PLCB1: variants seen among roughly 807,000 people sequenced by gnomAD.
The protein encoded by PLCB1 is phospholipase C beta 1, also known as 1-phosphatidylinositol 4,5-bisphosphate phosphodiesterase beta-1.
PLCB1 carries 46 observed loss-of-function variants against 161.8 expected under a neutral mutation model. The observed-to-expected ratio is 0.28, with a 90% CI of 0.22 to 0.36. The LOEUF (loss-of-function observed/expected upper bound fraction) is 0.36. Ranked by LOEUF, PLCB1 falls within the 10% of genes least tolerant of loss-of-function variation. The pLI, the probability that PLCB1 is intolerant of heterozygous loss-of-function variation, is 1.00. For synonymous variants in PLCB1, 517 were observed against 503.7 expected (o/e 1.03, Z -0.35); for missense variants, 1,016 against 1,472.5 (o/e 0.69, Z 5.07).
In PLCB1 at chr20:8,157,437, T is replaced by C. The variant is rs199825317; in HGVS notation, c.177+7066T>C. On this transcript the variant is annotated intron_variant, in intron 2 of 31. Coordinates refer to ENST00000338037, the MANE Select transcript of PLCB1 (RefSeq NM_015192.4). Reference sequence around the variant, plus strand: ...GACCAAGACCTTAGAGATTAAACTTTTAGTGTTTTTGAGGATAGTTTAGCC... The same window carrying C: ...GACCAAGACCTTAGAGATTAAACTTCTAGTGTTTTTGAGGATAGTTTAGCC... Among the ~76,000 whole-genome samples the C allele has an allele frequency of 2.0e-4, 31 of 152,326 alleles. No homozygotes were observed. In the East Asian group the frequency reaches 5.6e-3, roughly 27 times the overall value.
chr20:8,744,516 G>T (rs994743953), intron 23 of PLCB1, among the ~76,000 whole-genome samples: 26 of 151,910 alleles, frequency 1.7e-4, no homozygotes, highest in African/African-American at 5.8e-4. Flanking sequence ...CCTGAGGCAG[G>T]GGAATTGCTT....
At chr20:8,218,139 C>A (rs1011658225) in intron 2 of PLCB1, among the ~76,000 whole-genome samples, 10 of 152,042 alleles carry the variant, frequency 6.6e-5, no homozygotes, top group African/African-American at 2.4e-4. Context: ...CATTATATAT[C>A]CATTATATGT....
intron 2 of PLCB1, among the ~76,000 whole-genome samples, chr20:8,345,437 A>G (rs1340950340): frequency 6.6e-6 from 1 of 152,166 alleles, no homozygotes; most frequent in Non-Finnish European, 1.5e-5. Context: ...GATGATGTTC[A>G]TGTGAATGAG....
chr20:8,822,667 G>A (rs1985492558), intron 31 of PLCB1, among the ~76,000 whole-genome samples: 1 of 152,128 alleles, frequency 6.6e-6, no homozygotes, highest in Non-Finnish European at 1.5e-5. Context: ...ACAAGTCCCT[G>A]GATTAGTTGG....
At chr20:8,316,169 C>T (rs770710818) in intron 2 of PLCB1, among the ~76,000 whole-genome samples, 4 of 152,208 alleles carry the variant, frequency 2.6e-5, no homozygotes, top group Admixed American at 6.5e-5. Flanking sequence ...ACAAAGCGCT[C>T]AAGCTGCAGA....
rs149545631 is a variant in PLCB1 at position 8,513,221 on chromosome 20, G to C, written c.247-115073G>C. On this transcript the variant is annotated intron_variant, in intron 3 of 31. Transcript: ENST00000338037. ...AAAGACAAGAGACAAGAAACTTTCA[G>C]TAGTGTTGGACATATTCTTTAATCT... Among the ~76,000 whole-genome samples the C allele has an allele frequency of 2.8e-3, 421 of 152,286 alleles. 1 individual carries two copies. Among genetic ancestry groups the C allele is most frequent in the African/African-American group, 9.7e-3 (403 of 41,544 alleles).
intron 3 of PLCB1, among the ~76,000 whole-genome samples, chr20:8,379,083 G>A (rs796375948): frequency 4.6e-5 from 7 of 151,798 alleles, no homozygotes; most frequent in African/African-American, 1.7e-4. Flanking sequence ...GACTCGTCCT[G>A]TAAGTTCCCT....
chr20:8,647,959 C>A lies in PLCB1; in HGVS notation c.518+6C>A, dbSNP rs759890302. The A allele has an allele frequency of 4.5e-6, 7 of 1,547,986 alleles. No individual in the cohort carries two copies. Among genetic ancestry groups the A allele is most frequent in the South Asian group, 2.4e-5 (2 of 83,198 alleles). On this transcript the variant is annotated splice_donor_region_variant and intron_variant, in intron 6 of 31. Transcript: ENST00000338037. ...GGGCGTATTCCTCTCAAAAAGTAAG[C>A]TTTGTGAGCATTTCTCATTATTCAT...
intron 2 of PLCB1, among the ~76,000 whole-genome samples, chr20:8,166,143 C>G (rs1034850939): frequency 1.3e-5 from 2 of 152,154 alleles, no homozygotes; most frequent in African/African-American, 4.8e-5. Flanking sequence ...TCCTTTCTTT[C>G]TCGCTTTCAC....
At chr20:8,829,209 T>G (rs1985862244) in intron 31 of PLCB1, among the ~76,000 whole-genome samples, 1 of 152,104 alleles carries the variant, frequency 6.6e-6, no homozygotes, top group African/African-American at 2.4e-5. Context: ...TCCTCAGCAT[T>G]AGCCACAAGC....
intron 3 of PLCB1, among the ~76,000 whole-genome samples, chr20:8,601,061 C>G (rs1987567333): frequency 6.6e-6 from 1 of 152,194 alleles, no homozygotes; most frequent in Admixed American, 6.5e-5. Flanking sequence ...CACCCGTCTT[C>G]TGCGTCGCTC....
At chr20:8,697,816 C>T (rs368825288) in intron 11 of PLCB1, 33 bp downstream of exon 11, 31 of 1,597,136 alleles carry the variant, frequency 1.9e-5, no homozygotes, top group Non-Finnish European at 2.4e-5. Context: ...AGAGAGGCAG[C>T]TGGAGACACC....
chr20:8,230,076 A>G (rs1979937872), intron 2 of PLCB1, among the ~76,000 whole-genome samples: 1 of 147,020 alleles, frequency 6.8e-6, no homozygotes. Flanking sequence ...AAAAAAAAAA[A>G]AAAAAAAAGA....
At chr20:8,675,026 T>C (rs1990041391) in intron 9 of PLCB1, among the ~76,000 whole-genome samples, 1 of 152,164 alleles carries the variant, frequency 6.6e-6, no homozygotes, top group South Asian at 2.1e-4. Context: ...TGTTTTGAAT[T>C]CAAATTGCAA....
rs143179472 is a variant in PLCB1 at position 8,493,649 on chromosome 20, A to G, written c.246+122199A>G. 3.2e-3 allele frequency among the ~76,000 whole-genome samples: 476 copies of G among 148,788 alleles called. 12 individuals carry two copies. Among genetic ancestry groups the G allele is most frequent in the Non-Finnish European group, 4.4e-3 (294 of 67,476 alleles). On this transcript the variant is annotated intron_variant, in intron 3 of 31. Coordinates refer to ENST00000338037, the MANE Select transcript of PLCB1 (RefSeq NM_015192.4). Reference sequence around the variant, plus strand: ...GTGCTTTAGCATCACTGGAAGCTGAACCTCAGGTAGTAGCCCTTACCTTGG... The same window carrying G: ...GTGCTTTAGCATCACTGGAAGCTGAGCCTCAGGTAGTAGCCCTTACCTTGG...
intron 22 of PLCB1, among the ~76,000 whole-genome samples, chr20:8,740,918 C>T (rs889185638): frequency 6.6e-6 from 1 of 152,202 alleles, no homozygotes; most frequent in Non-Finnish European, 1.5e-5. Flanking sequence ...CCATGGTAAG[C>T]TTGGGGCTGT....
At chr20:8,774,332 A>G (rs1982837877) in intron 26 of PLCB1, among the ~76,000 whole-genome samples, 1 of 152,178 alleles carries the variant, frequency 6.6e-6, no homozygotes, top group Non-Finnish European at 1.5e-5. Flanking sequence ...CTCTTTCTAG[A>G]GCACCATGAA....
intron 3 of PLCB1, among the ~76,000 whole-genome samples, chr20:8,546,734 G>C (rs1001636374): frequency 6.6e-6 from 1 of 151,910 alleles, no homozygotes; most frequent in African/African-American, 2.4e-5. Flanking sequence ...GTTGTGTTCT[G>C]GATGTTTTTC....
At chr20:8,242,611 A>G (rs116708912) in intron 2 of PLCB1, among the ~76,000 whole-genome samples, 3,420 of 152,070 alleles carry the variant, frequency 0.022, 134 homozygotes, top group African/African-American at 0.078. Context: ...CTGAAAGGTA[A>G]TGGTAACAAT....
Sources: gnomAD v4.1 joint callset for allele counts (sites outside exome capture counted in the v4.1 genomes callset) on GRCh38, gnomAD v4.1.1 for gene constraint, MANE v1.5 for transcripts, NCBI Gene and HGNC (gene_info 2026-07-23, HGNC 2026-07-21) for gene names.